FLNB: variants seen among roughly 807,000 people sequenced by gnomAD.
FLNB encodes the protein filamin-B.
Under a neutral mutation model 250.6 loss-of-function variants are expected in FLNB, and 111 were observed. That is an observed-to-expected ratio of 0.44 (90% confidence interval 0.38 to 0.52). The LOEUF (loss-of-function observed/expected upper bound fraction) is 0.52. Among genes scored for constraint, FLNB ranks in the 20% least tolerant of loss-of-function variants. FLNB has a pLI of 0.00. For missense variants in FLNB, 2,869 were observed against 3,447.8 expected (o/e 0.83, Z 4.20); for synonymous variants, 1,302 against 1,372.1 (o/e 0.95, Z 1.13).
Position 58,108,491 on chromosome 3 carries a change from G to C in FLNB, c.1975G>C (p.Gly659Arg), listed in dbSNP as rs140945224. The change falls in exon 13 of 46, where the codon GGA (glycine) becomes CGA (arginine). Residue 659 changes from glycine to arginine, a missense_variant. Around this residue, in one of 5 missense-constraint regions of FLNB, gnomAD observed 1,348 missense variants for 1,466.7 expected, o/e 0.92. Coordinates refer to ENST00000295956, the MANE Select transcript of FLNB (RefSeq NM_001457.4). ...ATACGGGCCAGGTTTGGAGAAATCT[G>C]GATGCATTGTCAACAACCTGGCCGA... Reference protein sequence around the residue: ...RAYGPGLEKSGCIVNNLAEFT... With the variant: ...RAYGPGLEKSRCIVNNLAEFT... The C allele has an allele frequency of 6.8e-6, 11 of 1,614,006 alleles. No individual in the cohort carries two copies. Among genetic ancestry groups the C allele is most frequent in the Non-Finnish European group, 9.3e-6 (11 of 1,179,884 alleles).
At position 58,154,806 on chromosome 3, in the gene FLNB, G is replaced by A; in HGVS notation, c.6650G>A (p.Trp2217Ter). The A allele has an allele frequency of 6.2e-7, 1 of 1,614,064 alleles. No individual in the cohort carries two copies. Among genetic ancestry groups the A allele is most frequent in the Non-Finnish European group, 8.5e-7 (1 of 1,179,998 alleles). Residue 2217 changes from tryptophan to a stop codon, truncating the protein, a stop_gained, in exon 40 of 46, where the codon TGG becomes TAG. Coordinates refer to ENST00000295956, the MANE Select transcript of FLNB (RefSeq NM_001457.4). LOFTEE classifies it high-confidence loss of function. ...EAGVPAEFSI[W>*]TREAGAGGLS... ...TTGCTCTCAGCTGAGTTCAGCATTT[G>A]GACCCGGGAAGCAGGCGCTGGAGGC...
rs1253914291 is a variant in FLNB, at chr3:58,163,612, A to G, written c.7198+282A>G. 8 of 473,156 alleles carry G rather than the reference A, an allele frequency of 1.7e-5. No individual in the cohort carries two copies. In the East Asian group the frequency reaches 3.3e-4, roughly 19 times the overall value. 29.3% of individuals were successfully genotyped at this position (473,156 alleles called of 1,614,324 possible). On this transcript the variant is annotated intron_variant, in intron 43 of 45. Coordinates refer to ENST00000295956, the MANE Select transcript of FLNB (RefSeq NM_001457.4). ...TGCCAAGTTTCTTGACTTTCAGAAC[A>G]GGATGCTGATAGTCAGGGAACACAG...
Position 58,169,693 on chromosome 3 carries a change from G to A in FLNB, c.7521G>A (p.Lys2507=), listed in dbSNP as rs1179561179. 6.2e-7 allele frequency: 1 copy of A among 1,614,144 alleles called. No homozygotes were observed. Among genetic ancestry groups the A allele is most frequent in the Non-Finnish European group, 8.5e-7 (1 of 1,180,020 alleles). Residue 2507 remains lysine, a synonymous_variant, in exon 45 of 46, where the codon AAG becomes AAA. Transcript: ENST00000295956. This position sits in a 1 kb window ranked among gnomAD's most constrained non-coding sequence, Gnocchi z 4.8. ...AGACCTGCTATAGCGCCATTCCCAAGGCATCCTCGGACGCCAGCAAGGTGA... is the reference window on the plus strand; with the variant it reads ...AGACCTGCTATAGCGCCATTCCCAAAGCATCCTCGGACGCCAGCAAGGTGA... The part of the protein sequence containing the change: ...STETCYSAIP[K]ASSDASKVTS...
chr3:58,140,887 G>A (rs1031954833), intron 29 of FLNB, among the ~76,000 whole-genome samples: 1 of 152,198 alleles, frequency 6.6e-6, no homozygotes, highest in African/African-American at 2.4e-5. Flanking sequence ...TTACCGGCAT[G>A]AGCCACTGCG....
intron 1 of FLNB, among the ~76,000 whole-genome samples, chr3:58,047,491 C>T (rs758780692): frequency 6.6e-6 from 1 of 152,078 alleles, no homozygotes; most frequent in African/African-American, 2.4e-5. Flanking sequence ...ATATAACCTT[C>T]CCCAGAGCCT....
chr3:58,126,401 A>C (rs1433280336), intron 23 of FLNB, among the ~76,000 whole-genome samples: 1 of 152,146 alleles, frequency 6.6e-6, no homozygotes, highest in African/African-American at 2.4e-5. Flanking sequence ...AAATAAATGA[A>C]GCATAAGCAT....
At chr3:58,117,990 C>T (rs1221646324) in intron 18 of FLNB, among the ~76,000 whole-genome samples, 4 of 152,054 alleles carry the variant, frequency 2.6e-5, no homozygotes, top group African/African-American at 9.7e-5. Flanking sequence ...TATGCCTGGC[C>T]GATTGTGGTG....
intron 24 of FLNB, among the ~76,000 whole-genome samples, chr3:58,127,855 A>G (rs1048562088): frequency 6.6e-6 from 1 of 152,138 alleles, no homozygotes; most frequent in Non-Finnish European, 1.5e-5. Context: ...CATTTTATTT[A>G]TTTATTTCAA....
chr3:58,118,770 C>T, intron 18 of FLNB, 102 bp from the exon 19 acceptor site: 1 of 845,308 alleles, frequency 1.2e-6, no homozygotes, highest in Non-Finnish European at 2.1e-6. Context: ...GGAATCAAGT[C>T]TCCCCTGTCC....
rs2097328023 is a variant in FLNB at position 58,142,041 on chromosome 3, T to C, written c.5181+112T>C. ...TAAGCCCTGTGGGTGTCCTGGTCATTGGTGTGCCCCTCACTGATCAGCCCA... is the reference window on the plus strand; with the variant it reads ...TAAGCCCTGTGGGTGTCCTGGTCATCGGTGTGCCCCTCACTGATCAGCCCA... On this transcript the variant is annotated intron_variant, in intron 30 of 45. Transcript: ENST00000295956. This position sits in a 1 kb window ranked among gnomAD's most constrained non-coding sequence, Gnocchi z 4.3. The C allele has an allele frequency of 1.2e-6, 1 of 869,078 alleles. No individual in the cohort carries two copies. The highest frequency in any genetic ancestry group is 1.6e-5 in the African/African-American group (1 of 60,694). The allele number at this position is 869,078 out of a possible 1,614,324, so 53.8% of individuals were successfully genotyped here. A position where few individuals can be genotyped will look rare whatever the true frequency, so the allele number is the denominator to read the frequency against.
chr3:58,011,176 T>TGCGAGG (rs2097098194), intron 1 of FLNB, among the ~76,000 whole-genome samples: 1 of 151,988 alleles, frequency 6.6e-6, no homozygotes, highest in South Asian at 2.1e-4. Context: ...GCCTCCCAAG[T>TGCGAGG]GCGGGGGTTA....
intron 24 of FLNB, among the ~76,000 whole-genome samples, chr3:58,127,279 T>C (rs1208269562): frequency 2.6e-5 from 4 of 151,550 alleles, no homozygotes; most frequent in African/African-American, 9.7e-5. Context: ...TGAGCTGAGA[T>C]TGCGCCACTG....
At chr3:58,111,261 C>T (rs2097268159) in intron 16 of FLNB, among the ~76,000 whole-genome samples, 1 of 152,112 alleles carries the variant, frequency 6.6e-6, no homozygotes, top group Non-Finnish European at 1.5e-5. Context: ...TTAAAATTAA[C>T]CTTACATAAA....
chr3:58,025,345 G>C (rs1197546004), intron 1 of FLNB, among the ~76,000 whole-genome samples: 1 of 151,770 alleles, frequency 6.6e-6, no homozygotes, highest in Non-Finnish European at 1.5e-5. Flanking sequence ...TCCCAGGCTG[G>C]TCTTGAGCTC....
intron 22 of FLNB, 36 bp from the exon 23 acceptor site, chr3:58,125,545 A>G (rs2097296319): frequency 1.2e-6 from 2 of 1,610,402 alleles, no homozygotes; most frequent in African/African-American, 2.7e-5. Context: ...GGGGATTTGT[A>G]TGCAAATATG....
rs2097242265 is a variant in FLNB, at chr3:58,098,086, A to G, written c.1147+109A>G. On this transcript the variant is annotated intron_variant, in intron 7 of 45. Coordinates refer to ENST00000295956, the MANE Select transcript of FLNB (RefSeq NM_001457.4). ...ACCTTTTGTCTTTTAAATCAAATAA[A>G]TAATCACAAAGACAATTTTTTCAAA... is the stretch of plus-strand genomic sequence containing the variant. 4 of 1,193,352 alleles carry G rather than the reference A, an allele frequency of 3.4e-6. No individual in the cohort carries two copies. The Admixed American group carries it at 5.5e-5, about 16-fold the overall frequency. The allele number at this position is 1,193,352 out of a possible 1,614,324, so 73.9% of individuals were successfully genotyped here.
At position 58,060,790 on chromosome 3, in the gene FLNB, A is replaced by G. The variant is rs1330876608; in HGVS notation, c.293-16256A>G. ...GTCTCAAAAAAAAAAAAAAAAAAAA[A>G]AAAAAAAAAGAAAGAAAGAAAAGAA... On this transcript the variant is annotated intron_variant, in intron 1 of 45. Coordinates refer to ENST00000295956, the MANE Select transcript of FLNB (RefSeq NM_001457.4). Among the ~76,000 whole-genome samples the G allele has an allele frequency of 1.0e-3, 110 of 106,606 alleles. 2 individuals are homozygous for G. The highest frequency in any genetic ancestry group is 5.0e-3 in the African/African-American group (109 of 21,632). The allele number at this position is 106,606 out of a possible 152,430, so 69.9% of individuals were successfully genotyped here.
intron 4 of FLNB, among the ~76,000 whole-genome samples, chr3:58,082,762 G>A (rs1210183332): frequency 7.3e-6 from 1 of 136,682 alleles, no homozygotes; most frequent in Non-Finnish European, 1.5e-5. Flanking sequence ...CAGAGTGCGT[G>A]AGCCTCCGTC....
chr3:58,150,375 G>A, intron 38 of FLNB, 148 bp downstream of exon 38: 2 of 835,306 alleles, frequency 2.4e-6, no homozygotes, highest in Non-Finnish European at 2.0e-6. Context: ...ATTTCATTAT[G>A]TTCTTCTATG....
Sources: gnomAD v4.1 joint callset for allele counts (sites outside exome capture counted in the v4.1 genomes callset) on GRCh38, gnomAD v4.1.1 for gene constraint, gnomAD v4.1.1 regional missense constraint, Gnocchi (gnomAD v3.1) non-coding constraint, MANE v1.5 for transcripts, NCBI Gene and HGNC (gene_info 2026-07-23, HGNC 2026-07-21) for gene names.